The following PSAP variants were observed in gnomAD, a reference collection of about 807,000 sequenced individuals.
PSAP encodes the protein prosaposin.
A neutral mutation model predicts 66.0 loss-of-function variants in PSAP; 25 were observed. The ratio of observed to expected loss-of-function variants is 0.38; its 90% CI spans 0.28 to 0.53. The LOEUF (loss-of-function observed/expected upper bound fraction) is 0.53, where lower values mean the gene tolerates loss of function less well. PSAP is among the 20% of genes least tolerant of loss of function. The pLI is 0.83. For missense variants in PSAP, 649 were observed against 668.8 expected, an observed-to-expected ratio of 0.97 and a Z score of 0.33; for synonymous variants, 273 against 258.9, an observed-to-expected ratio of 1.05 and a Z score of -0.52.
chr10:71,833,746 C>T (rs553945817), intron 2 of PSAP, among the ~76,000 whole-genome samples: 1 of 152,156 alleles, frequency 6.6e-6, no homozygotes, highest in Admixed American at 6.5e-5. Flanking sequence ...CATGGCTTGT[C>T]GCCTTAGACC....
chr10:71,847,932 G>A (rs961091461), intron 1 of PSAP, among the ~76,000 whole-genome samples: 3 of 152,126 alleles, frequency 2.0e-5, no homozygotes, highest in African/African-American at 7.2e-5. Flanking sequence ...CTGTCTTAGC[G>A]TGGTGTAGAC....
Position 71,828,835 on chromosome 10 carries a change from G to A in PSAP, c.576+42C>T, listed in dbSNP as rs775273817. On this transcript the variant is annotated intron_variant, in intron 5 of 13. Transcript: ENST00000394936. ...GTCCCTTTGGTCTCTCATCTCCAGTGCAACCAAAAATGGGTCCTCAGTGGC... is the reference window on the plus strand; with the variant it reads ...GTCCCTTTGGTCTCTCATCTCCAGTACAACCAAAAATGGGTCCTCAGTGGC... 34 of 1,609,324 alleles carry A rather than the reference G, an allele frequency of 2.1e-5. 1 individual carries two copies. The South Asian group carries it at 3.6e-4, about 17-fold the overall frequency.
intron 1 of PSAP, among the ~76,000 whole-genome samples, chr10:71,846,064 T>C (rs1441826201): frequency 6.6e-6 from 1 of 152,158 alleles, no homozygotes; most frequent in African/African-American, 2.4e-5. Flanking sequence ...ATATTGACAA[T>C]ACATTACTTT....
chr10:71,823,311 C>T (rs1190750142), intron 7 of PSAP, among the ~76,000 whole-genome samples: 2 of 152,182 alleles, frequency 1.3e-5, no homozygotes, highest in Non-Finnish European at 2.9e-5. Context: ...TCCCAAAGGA[C>T]CCTGTTACCC....
intron 1 of PSAP, among the ~76,000 whole-genome samples, chr10:71,837,055 T>TA (rs1393069593): frequency 2.0e-4 from 30 of 152,336 alleles, no homozygotes; most frequent in African/African-American, 7.0e-4. Flanking sequence ...GGCAAAAAGA[T>TA]ACGCATGGTG....
intron 1 of PSAP, among the ~76,000 whole-genome samples, chr10:71,850,489 AT>A (rs1842907206): frequency 6.6e-6 from 1 of 152,092 alleles, no homozygotes; most frequent in Non-Finnish European, 1.5e-5. Context: ...TCTTAAATGT[AT>A]TTGATTGATG....
intron 5 of PSAP, 108 bp from the exon 6 acceptor site, chr10:71,828,265 C>T (rs990288905): frequency 8.5e-7 from 1 of 1,173,156 alleles, no homozygotes; most frequent in Non-Finnish European, 1.3e-6. Flanking sequence ...TGACCAGTTC[C>T]TAAGATGCTT....
chr10:71,826,892 G>T (rs187296061), intron 6 of PSAP, among the ~76,000 whole-genome samples: 1 of 152,274 alleles, frequency 6.6e-6, no homozygotes, highest in East Asian at 1.9e-4. Context: ...ACTAAAAATG[G>T]CATTTTGGTT....
intron 7 of PSAP, 194 bp downstream of exon 7, chr10:71,825,643 C>T (rs1842387555): frequency 2.9e-6 from 2 of 691,154 alleles, no homozygotes; most frequent in African/African-American, 1.8e-5. Context: ...GATGCTTCAG[C>T]CTGCCTCTCC....
In PSAP at chr10:71,829,071, G is replaced by A. The variant is rs1842459446; in HGVS notation, c.382C>T (p.Pro128Ser). The A allele has an allele frequency of 6.2e-7, 1 of 1,613,906 alleles. No homozygotes were observed. Among genetic ancestry groups the A allele is most frequent in the Non-Finnish European group, 8.5e-7 (1 of 1,179,908 alleles). ...LDIIKGEMSR[P>S]GEVCSALNLC... Reference sequence around the variant, plus strand: ...TTGAGAGCAGAGCACACCTCCCCAGGACGGCTCTGGTGGGATGGAAAGAAG... The same window carrying A: ...TTGAGAGCAGAGCACACCTCCCCAGAACGGCTCTGGTGGGATGGAAAGAAG... Residue 128 changes from proline (P) to serine (S), a missense_variant, in exon 5 of 14, where the codon CCT becomes TCT. Pro to Ser is a moderately conservative substitution (Grantham distance 74). Transcript: ENST00000394936.
intron 2 of PSAP, among the ~76,000 whole-genome samples, chr10:71,833,938 C>T (rs546037717): frequency 2.0e-5 from 3 of 152,278 alleles, no homozygotes; most frequent in South Asian, 4.2e-4. Flanking sequence ...GCAGAAAGTA[C>T]CTGAAAAGCT....
At chr10:71,844,320 G>A (rs1842781389) in intron 1 of PSAP, among the ~76,000 whole-genome samples, 1 of 152,182 alleles carries the variant, frequency 6.6e-6, no homozygotes, top group East Asian at 1.9e-4. Context: ...TTTTACAGAA[G>A]CAGGCTGTAA....
intron 12 of PSAP, 100 bp downstream of exon 12, chr10:71,818,931 A>T: frequency 8.3e-7 from 1 of 1,210,954 alleles, no homozygotes; most frequent in Non-Finnish European, 1.2e-6. Context: ...GAACCCAGAG[A>T]CTCCACCCCA....
intron 7 of PSAP, 127 bp from the exon 8 acceptor site, chr10:71,822,134 C>T: frequency 7.7e-7 from 1 of 1,292,732 alleles, no homozygotes; most frequent in African/African-American, 1.5e-5. Flanking sequence ...TCCCTCTCCC[C>T]CTCCCACAAC....
At position 71,823,826 on chromosome 10, in the gene PSAP, A is replaced by G. The variant is rs1381747189; in HGVS notation, c.778-1819T>C. ...TAATCATGCCATACCCAAAAAAAAAAAAAGCAAAGTAACTAGAGGAAGCAG... is the reference window on the plus strand; with the variant it reads ...TAATCATGCCATACCCAAAAAAAAAGAAAGCAAAGTAACTAGAGGAAGCAG... On this transcript the variant is annotated intron_variant, in intron 7 of 13. Coordinates refer to ENST00000394936, the MANE Select transcript of PSAP (RefSeq NM_002778.4). 10 of 1,235,952 alleles carry G rather than the reference A, an allele frequency of 8.1e-6. No individual in the cohort carries two copies. In the Admixed American group the frequency reaches 2.6e-4, roughly 33 times the overall value. The allele number at this position is 1,235,952 out of a possible 1,614,324, so 76.6% of individuals were successfully genotyped here. A position where few individuals can be genotyped will look rare whatever the true frequency, so the allele number is the denominator to read the frequency against.
At chr10:71,821,216 G>A (rs1221619559) in intron 8 of PSAP, among the ~76,000 whole-genome samples, 1 of 152,218 alleles carries the variant, frequency 6.6e-6, no homozygotes, top group African/African-American at 2.4e-5. Context: ...GTCAAGTGCC[G>A]TGGGATGTTC....
chr10:71,828,765 C>T lies in PSAP; in HGVS notation c.576+112G>A, dbSNP rs531247088. The T allele has an allele frequency of 1.2e-4, 144 of 1,176,480 alleles. 2 individuals are homozygous for T. Among genetic ancestry groups the T allele is most frequent in the South Asian group, 6.9e-4 (49 of 70,896 alleles). 72.9% of individuals were successfully genotyped at this position (1,176,480 alleles called of 1,614,324 possible). ...GCTGGCTCATGTGACTGCAGAGTCACGCACAGGGATAAGCCCCAGTTTAAG... is the reference window on the plus strand; with the variant it reads ...GCTGGCTCATGTGACTGCAGAGTCATGCACAGGGATAAGCCCCAGTTTAAG... On this transcript the variant is annotated intron_variant, in intron 5 of 13. Transcript: ENST00000394936.
At chr10:71,833,113 T>C (rs1340392886) in intron 2 of PSAP, among the ~76,000 whole-genome samples, 2 of 150,626 alleles carry the variant, frequency 1.3e-5, no homozygotes, top group Non-Finnish European at 3.0e-5. Flanking sequence ...ACATTAAACC[T>C]GGAAACAGGA....
At chr10:71,833,329 C>T (rs911577927) in intron 2 of PSAP, among the ~76,000 whole-genome samples, 3 of 152,086 alleles carry the variant, frequency 2.0e-5, no homozygotes, top group East Asian at 3.9e-4. Flanking sequence ...CATACTGGTC[C>T]ACATCTGTGG....
Sources: allele counts gnomAD v4.1 joint callset (sites outside exome capture counted in the v4.1 genomes callset), GRCh38; gene constraint gnomAD v4.1.1; transcripts MANE v1.5; gene names NCBI Gene and HGNC (gene_info 2026-07-23, HGNC 2026-07-21).